Variants in MAP3K20 observed in about 807,000 individuals in gnomAD.
MAP3K20 encodes the protein mitogen-activated protein kinase kinase kinase 20, also known as HCCS-4.
MAP3K20 carries 40 observed loss-of-function variants against 85.7 expected under a neutral mutation model. That is an observed-to-expected ratio of 0.47 (90% CI 0.36 to 0.61). MAP3K20 has a LOEUF of 0.61. Ranked by LOEUF, MAP3K20 falls within the 20% of genes least tolerant of loss-of-function variation. The pLI, the probability that MAP3K20 is intolerant of heterozygous loss-of-function variation, is 0.00. For synonymous variants in MAP3K20, 325 were observed against 327.7 expected (o/e 0.99, Z 0.09); for missense variants, 817 against 961.7 (o/e 0.85, Z 1.99).
chr2:173,128,985 G>A lies in MAP3K20; in HGVS notation c.159+37795G>A, dbSNP rs112292703. Among the ~76,000 whole-genome samples the A allele has an allele frequency of 9.0e-3, 1,307 of 144,460 alleles. 19 individuals carry two copies. Among genetic ancestry groups the A allele is most frequent in the African/African-American group, 0.032 (1,226 of 38,496 alleles). The allele number at this position is 144,460 out of a possible 152,430, so 94.8% of individuals were successfully genotyped here. On this transcript the variant is annotated intron_variant, in intron 2 of 19. Transcript: ENST00000375213. ...GTTGCCCAGGCTAGAGTGCAATGGC[G>A]CAATCTCGGCTCACTGCAGCCTCTG...
intron 11 of MAP3K20, chr2:173,225,950 T>A: frequency 1.0e-6 from 1 of 984,980 alleles, no homozygotes; most frequent in Non-Finnish European, 1.2e-6. Flanking sequence ...TAGCTACAGT[T>A]CTATAGGTTA....
At chr2:173,147,829 C>G (rs192644045) in intron 2 of MAP3K20, among the ~76,000 whole-genome samples, 1 of 152,128 alleles carries the variant, frequency 6.6e-6, no homozygotes, top group Non-Finnish European at 1.5e-5. Context: ...TCGTGATCCA[C>G]CCACCTCAGC....
At chr2:173,224,617 G>T in intron 11 of MAP3K20, 1 of 984,636 alleles carries the variant, frequency 1.0e-6, no homozygotes, top group Non-Finnish European at 1.2e-6. Flanking sequence ...AGCAGAATTG[G>T]CCTCAGTGAA....
intron 2 of MAP3K20, among the ~76,000 whole-genome samples, chr2:173,165,825 G>C (rs144004993): frequency 0.022 from 3,277 of 152,106 alleles, 60 homozygotes; most frequent in South Asian, 0.046. Context: ...GCATGTGCCA[G>C]AACACCTGGC....
At chr2:173,222,243 CCAA>C (rs1189063991) in intron 11 of MAP3K20, 8 of 985,618 alleles carry the variant, frequency 8.1e-6, no homozygotes, top group South Asian at 4.7e-5. Context: ...AGTACAAAAT[CCAA>C]CAACAATACT....
chr2:173,186,124 C>T (rs1690479195), intron 4 of MAP3K20, among the ~76,000 whole-genome samples: 1 of 152,094 alleles, frequency 6.6e-6, no homozygotes, highest in Admixed American at 6.5e-5. Flanking sequence ...TTATAATCTT[C>T]CATGAGGAAG....
At chr2:173,174,656 A>G (rs4536620) in intron 3 of MAP3K20, among the ~76,000 whole-genome samples, 148,654 of 152,294 alleles carry the variant, frequency 0.98, 72,658 homozygotes, top group East Asian at 1. Context: ...GAATAGTGCC[A>G]CAATAAACAT....
chr2:173,203,430 A>AT (rs1683557434), intron 8 of MAP3K20, among the ~76,000 whole-genome samples: 1 of 152,154 alleles, frequency 6.6e-6, no homozygotes, highest in African/African-American at 2.4e-5. Flanking sequence ...TACCTGGCCT[A>AT]TTTACATATA....
intron 16 of MAP3K20, among the ~76,000 whole-genome samples, chr2:173,244,918 A>G (rs1032281109): frequency 3.9e-5 from 6 of 152,208 alleles, no homozygotes; most frequent in Non-Finnish European, 4.4e-5. Flanking sequence ...CATGACCGGA[A>G]TAAGCTTTCC....
intron 2 of MAP3K20, among the ~76,000 whole-genome samples, chr2:173,153,224 T>TC: frequency 6.6e-6 from 1 of 152,184 alleles, no homozygotes; most frequent in Non-Finnish European, 1.5e-5. Flanking sequence ...TTGTTACGCC[T>TC]CCCATTTTCA....
chr2:173,133,915 C>T (rs7604338), intron 2 of MAP3K20, among the ~76,000 whole-genome samples: 59,999 of 148,512 alleles, frequency 0.4, 13,122 homozygotes, highest in African/African-American at 0.57. Context: ...GGCGGGAACC[C>T]GGGAGGCGGA....
intron 1 of MAP3K20, among the ~76,000 whole-genome samples, chr2:173,086,370 A>T (rs527811907): frequency 4.6e-5 from 7 of 152,102 alleles, no homozygotes; most frequent in Non-Finnish European, 1.0e-4. Flanking sequence ...AAGGGGAAAA[A>T]ATATATATAT....
At chr2:173,141,212 A>AATTAC (rs71018536) in intron 2 of MAP3K20, among the ~76,000 whole-genome samples, 2 of 151,960 alleles carry the variant, frequency 1.3e-5, no homozygotes, top group African/African-American at 2.4e-5. Context: ...TTTTATACTA[A>AATTAC]ATTCTCGTGT....
At chr2:173,114,828 G>A (rs1007318658) in intron 2 of MAP3K20, among the ~76,000 whole-genome samples, 3 of 152,182 alleles carry the variant, frequency 2.0e-5, no homozygotes, top group African/African-American at 7.2e-5. Flanking sequence ...CTGTCTGACA[G>A]TTCTTAAGAT....
At chr2:173,224,146 C>T in intron 11 of MAP3K20, 1 of 860,442 alleles carries the variant, frequency 1.2e-6, no homozygotes, top group Non-Finnish European at 1.4e-6. Flanking sequence ...AAAAATGAAG[C>T]CGGGAAGGAG....
At position 173,252,375 on chromosome 2, in the gene MAP3K20, G is replaced by T. The variant is rs150800797; in HGVS notation, c.1360-6324G>T. Among the ~76,000 whole-genome samples, 166 of 152,278 alleles carry T rather than the reference G, an allele frequency of 1.1e-3. 2 individuals are homozygous for T. The highest frequency in any genetic ancestry group is 3.9e-3 in the African/African-American group (161 of 41,552). ...AATTCAGAAAATTTTTTCACTTGGT[G>T]ATCCTGAAGCAGTTCAGATAGAATG... On this transcript the variant is annotated intron_variant, in intron 16 of 19. Coordinates refer to ENST00000375213, the MANE Select transcript of MAP3K20 (RefSeq NM_016653.3).
intron 2 of MAP3K20, among the ~76,000 whole-genome samples, chr2:173,151,558 G>T (rs1384109613): frequency 6.6e-6 from 1 of 152,158 alleles, no homozygotes; most frequent in East Asian, 1.9e-4. Flanking sequence ...AACATTTACT[G>T]TATACAAAGG....
chr2:173,181,698 C>T (rs181859430), intron 3 of MAP3K20, among the ~76,000 whole-genome samples: 141 of 152,148 alleles, frequency 9.3e-4, no homozygotes, highest in African/African-American at 3.0e-3. Context: ...GAATAGTATT[C>T]GGCAATAAAA....
intron 2 of MAP3K20, among the ~76,000 whole-genome samples, chr2:173,125,506 A>ATG (rs1282640050): frequency 1.5e-5 from 2 of 131,756 alleles, no homozygotes; most frequent in Non-Finnish European, 3.5e-5. Context: ...TAAATGTTAG[A>ATG]TGTGTTTTTT....
Sources: gnomAD v4.1 joint callset for allele counts (sites outside exome capture counted in the v4.1 genomes callset) on GRCh38, gnomAD v4.1.1 for gene constraint, MANE v1.5 for transcripts, NCBI Gene and HGNC (gene_info 2026-07-23, HGNC 2026-07-21) for gene names.